Variants in ADAMTSL1 observed in about 807,000 individuals in gnomAD.
ADAMTSL1 encodes ADAMTS like 1, also known as ADAMTS-like protein 1.
A neutral mutation model predicts 201.8 loss-of-function variants in ADAMTSL1; 126 were observed. The ratio of observed to expected loss-of-function variants is 0.62; its 90% CI spans 0.54 to 0.72. ADAMTSL1 has a LOEUF of 0.72. Ranked by LOEUF, ADAMTSL1 falls within the 30% of genes least tolerant of loss-of-function variation. The pLI, the probability that ADAMTSL1 is intolerant of heterozygous loss-of-function variation, is 0.00. For missense variants in ADAMTSL1, 2,679 were observed against 2,277.8 expected, an observed-to-expected ratio of 1.18 and a Z score of -3.59; for synonymous variants, 1,121 against 903.4, an observed-to-expected ratio of 1.24 and a Z score of -4.32.
At chr9:18,443,334 G>A (rs1361200721) in intron 2 of ADAMTSL1, among the ~76,000 whole-genome samples, 1 of 152,190 alleles carries the variant, frequency 6.6e-6, no homozygotes, top group African/African-American at 2.4e-5. Context: ...TTATGATCTA[G>A]CTGAGGATAC....
At chr9:18,375,890 C>G (rs1314408996) in intron 2 of ADAMTSL1, among the ~76,000 whole-genome samples, 1 of 152,190 alleles carries the variant, frequency 6.6e-6, no homozygotes, top group East Asian at 1.9e-4. Flanking sequence ...AAACCTCTAG[C>G]TAGCCACAGA....
chr9:18,340,983 C>T (rs1835443086), intron 2 of ADAMTSL1, among the ~76,000 whole-genome samples: 1 of 152,052 alleles, frequency 6.6e-6, no homozygotes, highest in African/African-American at 2.4e-5. Context: ...TAGCCTAGAC[C>T]ATTAGCCTAG....
chr9:18,736,552 A>T (rs1818510520), intron 15 of ADAMTSL1, among the ~76,000 whole-genome samples: 1 of 152,172 alleles, frequency 6.6e-6, no homozygotes, highest in African/African-American at 2.4e-5. Context: ...GAAAAGAAAA[A>T]GTGCTGTTTT....
chr9:18,239,760 A>G (rs1830990572), intron 2 of ADAMTSL1, among the ~76,000 whole-genome samples: 1 of 151,904 alleles, frequency 6.6e-6, no homozygotes, highest in South Asian at 2.1e-4. Flanking sequence ...AGAAAGAAGG[A>G]AAGAAGGAAA....
intron 22 of ADAMTSL1, among the ~76,000 whole-genome samples, chr9:18,829,364 C>G (rs1486404763): frequency 2.6e-5 from 4 of 152,088 alleles, no homozygotes; most frequent in Admixed American, 6.6e-5. Context: ...AGAAAAGGGT[C>G]CTTTTAAATA....
At chr9:18,894,512 C>G (rs1028823191) in intron 26 of ADAMTSL1, among the ~76,000 whole-genome samples, 1 of 151,768 alleles carries the variant, frequency 6.6e-6, no homozygotes, top group African/African-American at 2.4e-5. Context: ...TCTTTATAAG[C>G]GTGATTCGCA....
chr9:18,739,040 C>T (rs999996910), intron 15 of ADAMTSL1, among the ~76,000 whole-genome samples: 1 of 152,118 alleles, frequency 6.6e-6, no homozygotes, highest in Admixed American at 6.5e-5. Context: ...TATGTGAACT[C>T]GGCCAAGTTA....
chr9:18,046,492 G>A (rs1821664731), intron 1 of ADAMTSL1, among the ~76,000 whole-genome samples: 1 of 152,104 alleles, frequency 6.6e-6, no homozygotes, highest in Non-Finnish European at 1.5e-5. Flanking sequence ...ACATTTAACT[G>A]GCTAAAATAT....
intron 1 of ADAMTSL1, among the ~76,000 whole-genome samples, chr9:18,029,757 C>G (rs1446180193): frequency 6.6e-6 from 1 of 152,166 alleles, no homozygotes; most frequent in Non-Finnish European, 1.5e-5. Context: ...AGACACTTCT[C>G]AAAAGAAGAC....
At chr9:18,363,150 G>C (rs1036110866) in intron 2 of ADAMTSL1, among the ~76,000 whole-genome samples, 1 of 152,182 alleles carries the variant, frequency 6.6e-6, no homozygotes, top group Non-Finnish European at 1.5e-5. Flanking sequence ...GCAGTTGGTG[G>C]AGTGGCAGCT....
chr9:18,047,819 C>T (rs917255494), intron 1 of ADAMTSL1, among the ~76,000 whole-genome samples: 1 of 152,140 alleles, frequency 6.6e-6, no homozygotes, highest in Non-Finnish European at 1.5e-5. Flanking sequence ...ATTACTTGGT[C>T]TGGGGAAAAA....
At chr9:18,695,279 C>T (rs1414636223) in intron 13 of ADAMTSL1, among the ~76,000 whole-genome samples, 1 of 152,230 alleles carries the variant, frequency 6.6e-6, no homozygotes, top group Non-Finnish European at 1.5e-5. Context: ...TCTGAAATGC[C>T]TTCAAGGGCA....
rs759942143 is a variant in ADAMTSL1, at chr9:18,889,590, A to T, written c.4485A>T (p.Arg1495Ser). 2 of 1,613,762 alleles carry T rather than the reference A, an allele frequency of 1.2e-6. No individual in the cohort carries two copies. The highest frequency in any genetic ancestry group is 3.3e-5 in the Admixed American group (2 of 59,978). ...CAGATTACTGGTGGTCTGTGGACAG[A>T]CTGGCAACCTGCTCAGCCTCCTGTG... Reference protein sequence around the residue: ...VIQDYWWSVDRLATCSASCGN... With the variant: ...VIQDYWWSVDSLATCSASCGN... Residue 1495 changes from arginine (R) to serine (S), a missense_variant, in exon 25 of 29, where the codon AGA becomes AGT. Arg to Ser is a moderately radical substitution (Grantham distance 110). Coordinates refer to ENST00000380548, the MANE Select transcript of ADAMTSL1 (RefSeq NM_001040272.6).
At chr9:17,937,005 T>C (rs1827037152) in intron 1 of ADAMTSL1, among the ~76,000 whole-genome samples, 1 of 152,090 alleles carries the variant, frequency 6.6e-6, no homozygotes, top group Non-Finnish European at 1.5e-5. Flanking sequence ...GTGGGTGAGA[T>C]CCTTGCTCCA....
intron 4 of ADAMTSL1, among the ~76,000 whole-genome samples, chr9:18,579,900 T>C (rs1318890021): frequency 6.6e-6 from 1 of 152,244 alleles, no homozygotes; most frequent in African/African-American, 2.4e-5. Flanking sequence ...CTGTTTTAAA[T>C]ATATTTTTTA....
chr9:18,125,066 T>C (rs1052824897), intron 1 of ADAMTSL1, among the ~76,000 whole-genome samples: 1 of 152,198 alleles, frequency 6.6e-6, no homozygotes, highest in African/African-American at 2.4e-5. Context: ...AAAGTTGTAT[T>C]AGTCCATTTT....
At chr9:18,447,465 G>A (rs567853799) in intron 2 of ADAMTSL1, among the ~76,000 whole-genome samples, 56 of 152,246 alleles carry the variant, frequency 3.7e-4, no homozygotes, top group African/African-American at 1.3e-3. Context: ...AAACCTGTGG[G>A]GAAGAGGGAG....
intron 2 of ADAMTSL1, among the ~76,000 whole-genome samples, chr9:18,432,506 C>G (rs1350057948): frequency 6.6e-6 from 1 of 152,182 alleles, no homozygotes; most frequent in Non-Finnish European, 1.5e-5. Context: ...ATAAAACCCA[C>G]ATTCTGAATC....
chr9:18,399,310 T>TAC (rs1817881332), intron 2 of ADAMTSL1, among the ~76,000 whole-genome samples: 8 of 114,754 alleles, frequency 7.0e-5, no homozygotes, highest in African/African-American at 2.7e-4. Context: ...TATATATATA[T>TAC]ATATATATAT....
Sources: gnomAD v4.1 joint callset for allele counts (sites outside exome capture counted in the v4.1 genomes callset) on GRCh38, gnomAD v4.1.1 for gene constraint, MANE v1.5 for transcripts, NCBI Gene and HGNC (gene_info 2026-07-23, HGNC 2026-07-21) for gene names.